The following DCTN4 variants were observed in gnomAD, a reference collection of about 807,000 sequenced individuals.
DCTN4 encodes the protein dynactin subunit 4, also known as dynactin 4 (p62).
A neutral mutation model predicts 62.7 loss-of-function variants in DCTN4; 23 were observed. That is an observed-to-expected ratio of 0.37 (90% CI 0.26 to 0.52). The LOEUF is 0.52. DCTN4 is among the 20% of genes least tolerant of loss of function. DCTN4 has a pLI of 0.92. For synonymous variants in DCTN4, 199 were observed against 202.1 expected, an observed-to-expected ratio of 0.98 and a Z score of 0.13; for missense variants, 514 against 580.4, an observed-to-expected ratio of 0.89 and a Z score of 1.18.
At chr5:150,715,727 G>A (rs1759733800) in intron 11 of DCTN4, 65 bp from the exon 12 acceptor site, 10 of 1,307,312 alleles carry the variant, frequency 7.6e-6, no homozygotes, top group Admixed American at 5.3e-5. Context: ...AGCAAAGTAC[G>A]ACATTGATTT....
chr5:150,718,200 A>C, intron 11 of DCTN4, 76 bp downstream of exon 11: 1 of 914,872 alleles, frequency 1.1e-6, no homozygotes, highest in Admixed American at 2.2e-5. Context: ...GAGTGTGTGG[A>C]GTCTTTTAAG....
chr5:150,717,968 T>C (rs906089951), intron 11 of DCTN4, among the ~76,000 whole-genome samples: 5 of 152,230 alleles, frequency 3.3e-5, no homozygotes. Context: ...ATGACCAGCA[T>C]GCACAGAGTT....
chr5:150,732,758 G>A (rs1361750780), intron 5 of DCTN4, among the ~76,000 whole-genome samples: 1 of 152,014 alleles, frequency 6.6e-6, no homozygotes, highest in African/African-American at 2.4e-5. Flanking sequence ...TAAAACTCGG[G>A]GTAAAATAAC....
At chr5:150,737,675 G>A (rs1403409197) in intron 4 of DCTN4, among the ~76,000 whole-genome samples, 2 of 151,958 alleles carry the variant, frequency 1.3e-5, no homozygotes, top group Non-Finnish European at 2.9e-5. Context: ...GTCTAAAAGA[G>A]TACAGGAGAC....
At chr5:150,752,574 A>G (rs1324972873) in intron 3 of DCTN4, among the ~76,000 whole-genome samples, 2 of 152,222 alleles carry the variant, frequency 1.3e-5, no homozygotes, top group African/African-American at 2.4e-5. Context: ...TGAGAGAACT[A>G]TTCTCCTATG....
At position 150,711,011 on chromosome 5, in the gene DCTN4, C is replaced by T. The variant is rs1759539939; in HGVS notation, c.*138G>A. ...GTGTTCCCAATGCCTTGCCTATGCT[C>T]CCACTTTCTTAGCAATAGAATTCCG... On this transcript the variant is annotated 3_prime_UTR_variant, in exon 13 of 13. Coordinates refer to ENST00000447998, the MANE Select transcript of DCTN4 (RefSeq NM_016221.4). The T allele has an allele frequency of 1.2e-6, 1 of 860,848 alleles. No individual in the cohort carries two copies. Among genetic ancestry groups the T allele is most frequent in the Admixed American group, 2.5e-5 (1 of 39,372 alleles). 53.3% of individuals were successfully genotyped at this position (860,848 alleles called of 1,614,324 possible). A position where few individuals can be genotyped will look rare whatever the true frequency, so the allele number is the denominator to read the frequency against.
At chr5:150,737,920 A>G (rs1760637777) in intron 4 of DCTN4, among the ~76,000 whole-genome samples, 2 of 152,196 alleles carry the variant, frequency 1.3e-5, no homozygotes, top group South Asian at 2.1e-4. Context: ...TCAATTAGAA[A>G]TGAAATGGGA....
At position 150,731,653 on chromosome 5, in the gene DCTN4, C is replaced by T; in HGVS notation, c.538-164G>A. 3 of 644,644 alleles carry T rather than the reference C, an allele frequency of 4.7e-6. No homozygotes were observed. The Admixed American group carries it at 8.8e-5, about 19-fold the overall frequency. 39.9% of individuals were successfully genotyped at this position (644,644 alleles called of 1,614,324 possible). On this transcript the variant is annotated intron_variant, in intron 5 of 12. Transcript: ENST00000447998. ...AAGAAAGCAATTTGTAGCCCCACAT[C>T]ATTATTCTATTCTTAAAATAATAAC...
intron 4 of DCTN4, among the ~76,000 whole-genome samples, chr5:150,735,090 T>C (rs1760526822): frequency 1.3e-5 from 2 of 152,224 alleles, no homozygotes; most frequent in Admixed American, 1.3e-4. Flanking sequence ...GGGAGCTTTA[T>C]GGCCCCACTG....
chr5:150,713,674 C>T (rs1226416600), intron 12 of DCTN4, among the ~76,000 whole-genome samples: 1 of 151,158 alleles, frequency 6.6e-6, no homozygotes, highest in Non-Finnish European at 1.5e-5. Context: ...AAACTCCTGA[C>T]CTCAAGTGAT....
intron 5 of DCTN4, among the ~76,000 whole-genome samples, chr5:150,732,340 A>G (rs929534516): frequency 1.3e-5 from 2 of 152,166 alleles, no homozygotes; most frequent in African/African-American, 2.4e-5. Context: ...TAGTAGAGAC[A>G]GGGTTTCGCC....
At chr5:150,746,929 T>C (rs1752460899) in intron 3 of DCTN4, among the ~76,000 whole-genome samples, 1 of 152,004 alleles carries the variant, frequency 6.6e-6, no homozygotes, top group African/African-American at 2.4e-5. Flanking sequence ...GTGTTGGGAG[T>C]TCTGGCCAGG....
chr5:150,740,247 A>G (rs1760721065), intron 4 of DCTN4, among the ~76,000 whole-genome samples: 1 of 152,208 alleles, frequency 6.6e-6, no homozygotes, highest in Non-Finnish European at 1.5e-5. Context: ...TAATCCCATT[A>G]AAAAGTAGGC....
intron 8 of DCTN4, 92 bp from the exon 9 acceptor site, chr5:150,723,072 G>T: frequency 1.1e-6 from 1 of 941,780 alleles, no homozygotes; most frequent in Non-Finnish European, 1.6e-6. Context: ...CAGCATTTAC[G>T]AGAATTTTGT....
chr5:150,734,991 C>T (rs1760522893), intron 4 of DCTN4, among the ~76,000 whole-genome samples: 1 of 152,136 alleles, frequency 6.6e-6, no homozygotes, highest in African/African-American at 2.4e-5. Context: ...CAAACCCTGC[C>T]CAAGGAGATT....
In DCTN4 at chr5:150,710,673, GA is replaced by G. The variant is rs1759526963; in HGVS notation, c.*475del. ...TATGGCAATGAAGGGATATGTTTTA[GA>G]CTGTTAGATGATATTTAACGGAATG... On this transcript the variant is annotated 3_prime_UTR_variant, in exon 13 of 13. Coordinates refer to ENST00000447998, the MANE Select transcript of DCTN4 (RefSeq NM_016221.4). 1 of 161,598 alleles carries G rather than the reference GA, an allele frequency of 6.2e-6. No homozygotes were observed. Among genetic ancestry groups the G allele is most frequent in the South Asian group, 1.7e-4 (1 of 5,868 alleles). The allele number at this position is 161,598 out of a possible 1,614,324, so 10.0% of individuals were successfully genotyped here.
intron 12 of DCTN4, among the ~76,000 whole-genome samples, chr5:150,715,265 T>A (rs1368636866): frequency 6.6e-6 from 1 of 152,166 alleles, no homozygotes; most frequent in African/African-American, 2.4e-5. Flanking sequence ...TTTATTAACA[T>A]GGGAAAATAT....
chr5:150,752,302 T>G (rs1212496079), intron 3 of DCTN4, among the ~76,000 whole-genome samples: 1 of 152,174 alleles, frequency 6.6e-6, no homozygotes, highest in African/African-American at 2.4e-5. Context: ...CGTGATAAAA[T>G]TAAGTGTAAT....
chr5:150,715,666 G>C lies in DCTN4; in HGVS notation c.1072-4C>G, dbSNP rs773731470. On this transcript the variant is annotated splice_polypyrimidine_tract_variant and splice_region_variant and intron_variant, in intron 11 of 12. Coordinates refer to ENST00000447998, the MANE Select transcript of DCTN4 (RefSeq NM_016221.4). ...GCTCTTTGGGAGGCACCACCACCTG[G>C]AGAGCAACACAGAGAGGCCTGCCTG... 1.2e-6 allele frequency: 2 copies of C among 1,613,692 alleles called. No individual in the cohort carries two copies. The highest frequency in any genetic ancestry group is 1.7e-6 in the Non-Finnish European group (2 of 1,179,646).
Sources: allele counts gnomAD v4.1 joint callset (sites outside exome capture counted in the v4.1 genomes callset), GRCh38; gene constraint gnomAD v4.1.1; transcripts MANE v1.5; gene names NCBI Gene and HGNC (gene_info 2026-07-23, HGNC 2026-07-21).